MYO3B: variants seen among roughly 807,000 people sequenced by gnomAD.
MYO3B encodes the protein myosin-IIIb.
MYO3B carries 156 observed loss-of-function variants against 174.6 expected under a neutral mutation model. The observed-to-expected ratio is 0.89, with a 90% CI of 0.78 to 1.02. The LOEUF (loss-of-function observed/expected upper bound fraction) is 1.02. MYO3B is among the 50% of genes least tolerant of loss of function. The pLI is 0.00. For synonymous variants in MYO3B, 563 were observed against 569.1 expected, an observed-to-expected ratio of 0.99 and a Z score of 0.15; for missense variants, 1,632 against 1,639.4, an observed-to-expected ratio of 1.00 and a Z score of 0.08.
At chr2:170,319,125 A>G (rs966172727) in intron 7 of MYO3B, among the ~76,000 whole-genome samples, 11 of 152,218 alleles carry the variant, frequency 7.2e-5, no homozygotes. Flanking sequence ...ATTTTATGAC[A>G]GGCTTTACTC....
At chr2:170,459,852 G>A (rs974455562) in intron 23 of MYO3B, among the ~76,000 whole-genome samples, 9 of 152,092 alleles carry the variant, frequency 5.9e-5, no homozygotes, top group Non-Finnish European at 1.0e-4. Context: ...TGCACCTTCC[G>A]CAGCTGCTGG....
intron 30 of MYO3B, among the ~76,000 whole-genome samples, chr2:170,520,568 A>C (rs1000902536): frequency 5.9e-5 from 9 of 152,058 alleles, no homozygotes; most frequent in Non-Finnish European, 1.3e-4. Context: ...TTGAGTAGAA[A>C]AATGATGAGC....
rs141124319 is a variant in MYO3B at position 170,238,039 on chromosome 2, C to T, written c.749+1903C>T. On this transcript the variant is annotated intron_variant, in intron 7 of 34. Transcript: ENST00000408978. Reference sequence around the variant, plus strand: ...TTTATTTTAAATCTTAGCATATTTACGTACATTGTACAGCTTTTTTCTTCC... The same window carrying T: ...TTTATTTTAAATCTTAGCATATTTATGTACATTGTACAGCTTTTTTCTTCC... Among the ~76,000 whole-genome samples, 67 of 152,246 alleles carry T rather than the reference C, an allele frequency of 4.4e-4. 1 individual carries two copies. Among genetic ancestry groups the T allele is most frequent in the Middle Eastern group, 3.4e-3 (1 of 294 alleles).
chr2:170,205,057 G>A (rs906163543), intron 3 of MYO3B, among the ~76,000 whole-genome samples: 3 of 152,050 alleles, frequency 2.0e-5, no homozygotes, highest in African/African-American at 7.2e-5. Context: ...AAAGTGTCCT[G>A]AGCAGTTTAA....
chr2:170,233,899 C>T lies in MYO3B; in HGVS notation c.604-2092C>T, dbSNP rs1482853227. On this transcript the variant is annotated intron_variant, in intron 6 of 34. Coordinates refer to ENST00000408978, the MANE Select transcript of MYO3B (RefSeq NM_138995.5). The stretch of plus-strand genomic sequence containing the variant: ...TAAAACACCTGTTTCTGGCCGGGCG[C>T]GGTGGCTCACGCCTGTAATCCCAGC... 2.6e-5 allele frequency among the ~76,000 whole-genome samples: 4 copies of T among 152,034 alleles called. 1 individual carries two copies. Among genetic ancestry groups the T allele is most frequent in the African/African-American group, 4.8e-5 (2 of 41,358 alleles).
At chr2:170,618,802 A>ATGTAGAAGTACAGT (rs1695633375) in intron 32 of MYO3B, among the ~76,000 whole-genome samples, 4 of 152,138 alleles carry the variant, frequency 2.6e-5, no homozygotes, top group Non-Finnish European at 4.4e-5. Context: ...TAATTAACAT[A>ATGTAGAAGTACAGT]ACATTTGTAT....
intron 8 of MYO3B, among the ~76,000 whole-genome samples, chr2:170,343,077 A>ACACACC (rs1491183016): frequency 1.2e-4 from 13 of 108,374 alleles, no homozygotes; most frequent in Admixed American, 7.7e-4. Context: ...ACACACACAC[A>ACACACC]CCCCTCTCCA....
At chr2:170,567,954 G>A (rs1163595311) in intron 32 of MYO3B, among the ~76,000 whole-genome samples, 2 of 152,160 alleles carry the variant, frequency 1.3e-5, no homozygotes, top group Non-Finnish European at 2.9e-5. Context: ...ATTTTATAAT[G>A]GAACTTCAAG....
At chr2:170,642,702 T>C (rs965223120) in intron 32 of MYO3B, among the ~76,000 whole-genome samples, 3 of 152,140 alleles carry the variant, frequency 2.0e-5, no homozygotes, top group Non-Finnish European at 4.4e-5. Flanking sequence ...TCCTTGAGCC[T>C]CAGACCTCTC....
intron 32 of MYO3B, among the ~76,000 whole-genome samples, chr2:170,544,264 G>A (rs1690323528): frequency 6.6e-6 from 1 of 152,158 alleles, no homozygotes; most frequent in Admixed American, 6.6e-5. Flanking sequence ...TTTTATTAAA[G>A]GGAAGATAAA....
At chr2:170,646,668 T>C (rs113889637) in intron 32 of MYO3B, among the ~76,000 whole-genome samples, 19,077 of 152,174 alleles carry the variant, frequency 0.13, 1,350 homozygotes, top group African/African-American at 0.17. Flanking sequence ...AGTGTTGGGA[T>C]TACAGGCGTG....
At chr2:170,524,980 G>A (rs1056576917) in intron 30 of MYO3B, among the ~76,000 whole-genome samples, 4 of 152,222 alleles carry the variant, frequency 2.6e-5, no homozygotes, top group Admixed American at 2.0e-4. Flanking sequence ...TGCCTCTCAA[G>A]GCTCCAGGTC....
chr2:170,214,627 C>A, intron 4 of MYO3B, 102 bp from the exon 5 acceptor site: 1 of 1,326,274 alleles, frequency 7.5e-7, no homozygotes, highest in Non-Finnish European at 1.1e-6. Context: ...CAAATGTAGA[C>A]TTTCATGAGA....
rs577607241 is a variant in MYO3B at position 170,470,415 on chromosome 2, A to G, written c.3014+3704A>G. On this transcript the variant is annotated intron_variant, in intron 25 of 34. Coordinates refer to ENST00000408978, the MANE Select transcript of MYO3B (RefSeq NM_138995.5). ...GTTTTCAGTGTTGGATGAAATGAAT[A>G]CTGGTACTATGTACCAGTATGTTAT... 2.6e-5 allele frequency among the ~76,000 whole-genome samples: 4 copies of G among 152,298 alleles called. No homozygotes were observed. The East Asian group carries it at 7.7e-4, about 29-fold the overall frequency.
chr2:170,374,959 TATTTGATTCAGGTAC>T (rs1203256769), intron 9 of MYO3B, among the ~76,000 whole-genome samples: 1 of 152,200 alleles, frequency 6.6e-6, no homozygotes, highest in East Asian at 1.9e-4. Flanking sequence ...CCAATGCATG[TATTTGATTCAGGTAC>T]AATAGAGCAG....
intron 7 of MYO3B, among the ~76,000 whole-genome samples, chr2:170,260,664 T>C (rs777229252): frequency 1.3e-5 from 2 of 152,190 alleles, no homozygotes; most frequent in Non-Finnish European, 2.9e-5. Flanking sequence ...ACTATACTTA[T>C]GTAACAAGCC....
intron 1 of MYO3B, among the ~76,000 whole-genome samples, chr2:170,181,162 A>G (rs1272765004): frequency 6.6e-6 from 1 of 152,120 alleles, no homozygotes. Context: ...TAATTTTTAT[A>G]TGTGGTGTAA....
chr2:170,529,666 C>T (rs77030630), intron 30 of MYO3B, among the ~76,000 whole-genome samples: 3 of 152,140 alleles, frequency 2.0e-5, no homozygotes, highest in African/African-American at 7.2e-5. Context: ...ATTATATTCC[C>T]GCTCAGAATG....
intron 31 of MYO3B, 23 bp downstream of exon 31, chr2:170,542,989 A>G (rs756845894): frequency 6.3e-7 from 1 of 1,595,218 alleles, no homozygotes. Flanking sequence ...CTTGATTCCA[A>G]AGTAAATGTG....
Sources: gnomAD v4.1 joint callset for allele counts (sites outside exome capture counted in the v4.1 genomes callset) on GRCh38, gnomAD v4.1.1 for gene constraint, MANE v1.5 for transcripts, NCBI Gene and HGNC (gene_info 2026-07-23, HGNC 2026-07-21) for gene names.